Variants in KIF6 observed in about 807,000 individuals in gnomAD.
KIF6 encodes the protein kinesin family member 6.
A neutral mutation model predicts 112.7 loss-of-function variants in KIF6; 106 were observed. The ratio of observed to expected loss-of-function variants is 0.94; its 90% CI spans 0.80 to 1.11. KIF6 has a LOEUF of 1.11. Among genes scored for constraint, KIF6 ranks in the 50% least tolerant of loss-of-function variants. KIF6 has a pLI of 0.00. For missense variants in KIF6, 929 were observed against 964.0 expected (o/e 0.96, Z 0.48); for synonymous variants, 339 against 339.9 (o/e 1.00, Z 0.03).
rs1762772115 is a variant in KIF6, at chr6:39,332,256, A to G, written c.*4276T>C. On this transcript the variant is annotated 3_prime_UTR_variant, in exon 23 of 23. Coordinates refer to ENST00000287152, the MANE Select transcript of KIF6 (RefSeq NM_145027.6). Reference sequence around the variant, plus strand: ...GCCACCACACCCGGCCTCTATTTCTATTGATGGTTTTTTCTCCTCTCATGG... The same window carrying G: ...GCCACCACACCCGGCCTCTATTTCTGTTGATGGTTTTTTCTCCTCTCATGG... The G allele has an allele frequency of 6.6e-6, 1 of 151,826 alleles. No individual in the cohort carries two copies. The highest frequency in any genetic ancestry group is 2.4e-5 in the African/African-American group (1 of 41,314). 9.4% of individuals were successfully genotyped at this position (151,826 alleles called of 1,614,324 possible). A position where few individuals can be genotyped will look rare whatever the true frequency, so the allele number is the denominator to read the frequency against.
chr6:39,547,745 C>T (rs1448924317), intron 10 of KIF6, among the ~76,000 whole-genome samples: 2 of 152,142 alleles, frequency 1.3e-5, no homozygotes, highest in African/African-American at 4.8e-5. Flanking sequence ...ATTTCTAAAG[C>T]ATTTATGGCA....
chr6:39,344,596 G>A (rs1261793567), intron 21 of KIF6, among the ~76,000 whole-genome samples: 2 of 151,940 alleles, frequency 1.3e-5, no homozygotes, highest in Non-Finnish European at 2.9e-5. Context: ...CCGTCACATG[G>A]CGGCTGTGCT....
intron 3 of KIF6, chr6:39,691,260 A>G (rs1356502326): frequency 6.6e-6 from 1 of 152,250 alleles, no homozygotes; most frequent in Non-Finnish European, 1.5e-5. Context: ...AGGCTAAGAA[A>G]AAAGATACAC....
At chr6:39,509,365 T>C (rs532190901) in intron 13 of KIF6, among the ~76,000 whole-genome samples, 1 of 152,244 alleles carries the variant, frequency 6.6e-6, no homozygotes, top group African/African-American at 2.4e-5. Flanking sequence ...GGAACAAAAC[T>C]GGATGGAGAA....
chr6:39,346,513 C>T lies in KIF6; in HGVS notation c.2194G>A (p.Glu732Lys), dbSNP rs576254527. 4.2e-6 allele frequency: 3 copies of T among 713,640 alleles called. No homozygotes were observed. Among genetic ancestry groups the T allele is most frequent in the South Asian group, 1.5e-5 (1 of 67,256 alleles). 44.2% of individuals were successfully genotyped at this position (713,640 alleles called of 1,614,324 possible). A position where few individuals can be genotyped will look rare whatever the true frequency, so the allele number is the denominator to read the frequency against. The change falls in exon 20 of 23, where the codon GAA becomes AAA. Residue 732 changes from glutamate to lysine, a missense_variant. Physicochemically the swap from Glu to Lys is moderately conservative, Grantham distance 56. Around this residue, in one of 2 missense-constraint regions of KIF6, gnomAD observed 241 missense variants for 301.4 expected, o/e 0.80. Transcript: ENST00000287152. ...CTGCCAGTGCCTTGATCTTGGACTT[C>T]CCAGCCTCCAGAACTGTGAAAAATA... The part of the protein sequence containing the change: ...LLSNKSSGGW[E>K]VQDQGTGRFD...
At chr6:39,475,087 T>C (rs993467433) in intron 13 of KIF6, among the ~76,000 whole-genome samples, 1 of 152,182 alleles carries the variant, frequency 6.6e-6, no homozygotes, top group Non-Finnish European at 1.5e-5. Flanking sequence ...GGAGCTTCAT[T>C]TGGGAATTTG....
chr6:39,583,121 C>A, intron 9 of KIF6: 1 of 254,150 alleles, frequency 3.9e-6, no homozygotes, highest in Non-Finnish European at 8.0e-6. Flanking sequence ...AGAAAAATCT[C>A]TAGCCAAATG....
At chr6:39,465,779 A>C (rs910923456) in intron 13 of KIF6, among the ~76,000 whole-genome samples, 3 of 152,150 alleles carry the variant, frequency 2.0e-5, no homozygotes, top group African/African-American at 7.2e-5. Flanking sequence ...TTCTAACTAC[A>C]CTCAACTACT....
chr6:39,722,433 G>A (rs62402465), intron 1 of KIF6, among the ~76,000 whole-genome samples: 11,006 of 151,922 alleles, frequency 0.072, 536 homozygotes, highest in South Asian at 0.18. Context: ...TTTTTTTTAA[G>A]AAGACAGAAC....
chr6:39,413,549 G>A (rs376366044), intron 15 of KIF6, among the ~76,000 whole-genome samples: 1 of 152,088 alleles, frequency 6.6e-6, no homozygotes, highest in Non-Finnish European at 1.5e-5. Context: ...AAGCCAGGTC[G>A]ATCATTCGTC....
At chr6:39,401,982 G>C (rs754715031) in intron 15 of KIF6, among the ~76,000 whole-genome samples, 1 of 152,142 alleles carries the variant, frequency 6.6e-6, no homozygotes, top group African/African-American at 2.4e-5. Context: ...TGGGAGTCAG[G>C]TTTGTTTTCT....
chr6:39,589,442 C>A (rs913868052), intron 7 of KIF6, among the ~76,000 whole-genome samples: 4 of 152,192 alleles, frequency 2.6e-5, no homozygotes, highest in Non-Finnish European at 5.9e-5. Flanking sequence ...CATAGCTCGA[C>A]CCCCACTGCG....
At chr6:39,368,683 G>A (rs1168316851) in intron 16 of KIF6, among the ~76,000 whole-genome samples, 2 of 152,180 alleles carry the variant, frequency 1.3e-5, no homozygotes, top group East Asian at 1.9e-4. Flanking sequence ...CCTGCTAGGT[G>A]TGAGGAGCTA....
In KIF6 at chr6:39,336,313, C is replaced by G. The variant is rs1762909469; in HGVS notation, c.*219G>C. 2 of 565,254 alleles carry G rather than the reference C, an allele frequency of 3.5e-6. No individual in the cohort carries two copies. Among genetic ancestry groups the G allele is most frequent in the Non-Finnish European group, 6.3e-6 (2 of 316,860 alleles). 35.0% of individuals were successfully genotyped at this position (565,254 alleles called of 1,614,324 possible). ...CTGGCCCTGCCAGCAGCTCCAGCAA[C>G]CACAGGAAGGATGTTGTGGTCAGCC... On this transcript the variant is annotated 3_prime_UTR_variant, in exon 23 of 23. Coordinates refer to ENST00000287152, the MANE Select transcript of KIF6 (RefSeq NM_145027.6).
intron 3 of KIF6, among the ~76,000 whole-genome samples, chr6:39,666,323 G>GT (rs1223242989): frequency 1.3e-5 from 2 of 152,056 alleles, no homozygotes; most frequent in African/African-American, 2.4e-5. Flanking sequence ...AAAGTACTTT[G>GT]TTTTTTCCAG....
At chr6:39,565,390 A>G (rs935485535) in intron 10 of KIF6, among the ~76,000 whole-genome samples, 2 of 152,196 alleles carry the variant, frequency 1.3e-5, no homozygotes, top group Non-Finnish European at 2.9e-5. Context: ...CTAGCAAAGT[A>G]CTGCTGGTGC....
chr6:39,621,652 T>C (rs531060440), intron 5 of KIF6, among the ~76,000 whole-genome samples: 2 of 152,318 alleles, frequency 1.3e-5, no homozygotes, highest in African/African-American at 4.8e-5. Flanking sequence ...ATGTGCTTAG[T>C]AGTGTATGTT....
At chr6:39,485,390 A>T (rs1182827619) in intron 13 of KIF6, among the ~76,000 whole-genome samples, 1 of 151,998 alleles carries the variant, frequency 6.6e-6, no homozygotes, top group Non-Finnish European at 1.5e-5. Flanking sequence ...TCCCCTTATT[A>T]TGCTTGGCTT....
chr6:39,372,785 C>T (rs1766121693), intron 16 of KIF6, among the ~76,000 whole-genome samples: 1 of 152,176 alleles, frequency 6.6e-6, no homozygotes, highest in African/African-American at 2.4e-5. Flanking sequence ...CAACAGCTCC[C>T]TAATTATTTC....
Sources: gnomAD v4.1 joint callset for allele counts (sites outside exome capture counted in the v4.1 genomes callset) on GRCh38, gnomAD v4.1.1 for gene constraint, gnomAD v4.1.1 regional missense constraint, MANE v1.5 for transcripts, NCBI Gene and HGNC (gene_info 2026-07-23, HGNC 2026-07-21) for gene names.